CTNNA3: variants seen among roughly 807,000 people sequenced by gnomAD.
The protein encoded by CTNNA3 is catenin alpha 3.
Under a neutral mutation model 95.7 loss-of-function variants are expected in CTNNA3, and 76 were observed. The observed-to-expected ratio is 0.79, with a 90% confidence interval of 0.66 to 0.96. The LOEUF (loss-of-function observed/expected upper bound fraction) is 0.96. Ranked by LOEUF, CTNNA3 falls within the 40% of genes least tolerant of loss-of-function variation. CTNNA3 has a pLI of 0.00. For synonymous variants in CTNNA3, 431 were observed against 374.4 expected (o/e 1.15, Z -1.74); for missense variants, 1,191 against 1,089.8 (o/e 1.09, Z -1.31).
intron 14 of CTNNA3, among the ~76,000 whole-genome samples, chr10:66,092,284 A>G (rs2081241433): frequency 6.6e-6 from 1 of 151,894 alleles, no homozygotes; most frequent in South Asian, 2.1e-4. Context: ...TTCTTCCTGA[A>G]TCACTTCTCA....
At chr10:67,285,994 G>A (rs1185154248) in intron 5 of CTNNA3, among the ~76,000 whole-genome samples, 4 of 152,160 alleles carry the variant, frequency 2.6e-5, no homozygotes, top group Admixed American at 2.6e-4. Flanking sequence ...TAGTATTCCA[G>A]CTGTTTGGGG....
chr10:67,074,058 A>G (rs1441530138), intron 7 of CTNNA3, among the ~76,000 whole-genome samples: 2 of 91,526 alleles, frequency 2.2e-5, no homozygotes, highest in Non-Finnish European at 4.3e-5. Flanking sequence ...TTTTTTTGAG[A>G]CAGAGTCTGG....
intron 11 of CTNNA3, among the ~76,000 whole-genome samples, chr10:66,481,506 C>T (rs1277487717): frequency 1.0e-5 from 1 of 99,378 alleles, no homozygotes; most frequent in Non-Finnish European, 1.7e-5. Flanking sequence ...GAGTCTCGCT[C>T]TGTCGCCCAG....
intron 7 of CTNNA3, among the ~76,000 whole-genome samples, chr10:67,076,516 C>T (rs974546523): frequency 2.6e-5 from 4 of 152,304 alleles, no homozygotes; most frequent in Admixed American, 2.6e-4. Context: ...CCAAGCCCTT[C>T]TTCTTATAAA....
At chr10:67,433,686 A>G (rs1179619921) in intron 5 of CTNNA3, among the ~76,000 whole-genome samples, 1 of 152,066 alleles carries the variant, frequency 6.6e-6, no homozygotes, top group Non-Finnish European at 1.5e-5. Context: ...TATGTATTGG[A>G]TGAATATATC....
At chr10:66,529,199 G>C (rs1400627009) in intron 10 of CTNNA3, among the ~76,000 whole-genome samples, 2 of 151,780 alleles carry the variant, frequency 1.3e-5, no homozygotes, top group African/African-American at 4.8e-5. Context: ...TGCGATCTTG[G>C]CTCACTGCAA....
intron 12 of CTNNA3, among the ~76,000 whole-genome samples, chr10:66,375,373 G>A (rs751864781): frequency 6.6e-6 from 1 of 152,036 alleles, no homozygotes; most frequent in Non-Finnish European, 1.5e-5. Flanking sequence ...CATGGCCAAG[G>A]CTCAGTGAAA....
At chr10:66,976,182 G>T (rs984228180) in intron 7 of CTNNA3, among the ~76,000 whole-genome samples, 2 of 152,094 alleles carry the variant, frequency 1.3e-5, no homozygotes, top group African/African-American at 2.4e-5. Context: ...ATAATTTAAA[G>T]TAACTCATGA....
intron 11 of CTNNA3, among the ~76,000 whole-genome samples, chr10:66,450,762 C>CTT (rs1564976662): frequency 6.6e-6 from 1 of 152,088 alleles, no homozygotes. Flanking sequence ...AGAGATGTTA[C>CTT]TTTGCTCCAA....
chr10:66,223,418 A>G (rs1246799725), intron 13 of CTNNA3, among the ~76,000 whole-genome samples: 1 of 152,188 alleles, frequency 6.6e-6, no homozygotes, highest in East Asian at 1.9e-4. Flanking sequence ...AAACTAATTC[A>G]TGTGTTTCTT....
intron 7 of CTNNA3, among the ~76,000 whole-genome samples, chr10:66,994,153 T>C (rs563598656): frequency 3.9e-5 from 6 of 152,162 alleles, no homozygotes; most frequent in African/African-American, 1.4e-4. Context: ...TATATTCTTA[T>C]AGAAGGTCCC....
intron 9 of CTNNA3, among the ~76,000 whole-genome samples, chr10:66,659,448 T>C (rs1846181711): frequency 6.6e-6 from 1 of 152,192 alleles, no homozygotes; most frequent in African/African-American, 2.4e-5. Context: ...TCTTTGCTTC[T>C]ATTATATTTT....
At chr10:67,635,434 A>G (rs945166168) in intron 2 of CTNNA3, among the ~76,000 whole-genome samples, 1 of 152,204 alleles carries the variant, frequency 6.6e-6, no homozygotes, top group Non-Finnish European at 1.5e-5. Context: ...TATACTGGCA[A>G]ACTGAATCGA....
chr10:67,408,736 G>A (rs1042064314), intron 5 of CTNNA3, among the ~76,000 whole-genome samples: 3 of 152,046 alleles, frequency 2.0e-5, no homozygotes, highest in Non-Finnish European at 4.4e-5. Context: ...ATTGACAAAT[G>A]AGATCTAATT....
intron 12 of CTNNA3, among the ~76,000 whole-genome samples, chr10:66,299,167 T>C (rs947121173): frequency 6.6e-6 from 1 of 152,186 alleles, no homozygotes; most frequent in African/African-American, 2.4e-5. Context: ...TGCTGATTGA[T>C]GTCTCGTATC....
At chr10:67,030,959 G>A (rs1482999385) in intron 7 of CTNNA3, among the ~76,000 whole-genome samples, 2 of 152,122 alleles carry the variant, frequency 1.3e-5, no homozygotes, top group Non-Finnish European at 2.9e-5. Flanking sequence ...AGCCGAGATT[G>A]CATCGCTGCA....
chr10:67,325,174 C>T (rs922500727), intron 5 of CTNNA3, among the ~76,000 whole-genome samples: 1 of 138,724 alleles, frequency 7.2e-6, no homozygotes, highest in Non-Finnish European at 1.6e-5. Flanking sequence ...TTAATTTTTT[C>T]AAAGAAATGG....
At chr10:66,188,107 A>C (rs979720806) in intron 13 of CTNNA3, among the ~76,000 whole-genome samples, 6 of 152,152 alleles carry the variant, frequency 3.9e-5, no homozygotes, top group African/African-American at 1.4e-4. Flanking sequence ...AATTAACTAG[A>C]GGTGCCCCAA....
At position 66,486,392 on chromosome 10, in the gene CTNNA3, AT is replaced by A. The variant is rs151158542; in HGVS notation, c.1531+34224del. Among the ~76,000 whole-genome samples, 616 of 152,330 alleles carry A rather than the reference AT, an allele frequency of 4.0e-3. 20 individuals are homozygous for A. In the East Asian group the frequency reaches 0.066, roughly 16 times the overall value. On this transcript the variant is annotated intron_variant, in intron 11 of 17. Transcript: ENST00000433211. The stretch of plus-strand genomic sequence containing the variant: ...GACAATTTTTAAAATGTACAAAAAA[AT>A]GAATGGGCATTTCTCAAAAGAAGAC...
Sources: allele counts gnomAD v4.1 joint callset (sites outside exome capture counted in the v4.1 genomes callset), GRCh38; gene constraint gnomAD v4.1.1; transcripts MANE v1.5; gene names NCBI Gene and HGNC (gene_info 2026-07-23, HGNC 2026-07-21).